The following PCCA variants were observed in gnomAD, a reference collection of about 807,000 sequenced individuals.
PCCA encodes propionyl-CoA carboxylase alpha chain, mitochondrial.
PCCA carries 74 observed loss-of-function variants against 101.3 expected under a neutral mutation model. The observed-to-expected ratio is 0.73, with a 90% CI of 0.61 to 0.89. PCCA has a LOEUF of 0.89. Among genes scored for constraint, PCCA ranks in the 40% least tolerant of loss-of-function variants. PCCA has a pLI of 0.00. For synonymous variants in PCCA, 294 were observed against 313.6 expected (o/e 0.94, Z 0.66); for missense variants, 891 against 907.0 (o/e 0.98, Z 0.23).
intron 21 of PCCA, among the ~76,000 whole-genome samples, chr13:100,495,810 G>A (rs2085234201): frequency 6.6e-6 from 1 of 151,830 alleles, no homozygotes; most frequent in African/African-American, 2.4e-5. Context: ...AACTTATTTT[G>A]ATTTTGATAC....
intron 6 of PCCA, among the ~76,000 whole-genome samples, chr13:100,190,826 G>A (rs926811144): frequency 1.3e-5 from 2 of 152,106 alleles, no homozygotes; most frequent in South Asian, 2.1e-4. Flanking sequence ...GGCTGGTCGT[G>A]GTGGTTCACA....
intron 4 of PCCA, among the ~76,000 whole-genome samples, chr13:100,143,024 T>C (rs2052081412): frequency 6.6e-6 from 1 of 152,216 alleles, no homozygotes; most frequent in Non-Finnish European, 1.5e-5. Flanking sequence ...TACATGGGCT[T>C]CAATTCCAAG....
At chr13:100,473,524 ACT>A (rs1401508682) in intron 21 of PCCA, among the ~76,000 whole-genome samples, 1 of 152,096 alleles carries the variant, frequency 6.6e-6, no homozygotes, top group Non-Finnish European at 1.5e-5. Flanking sequence ...CTTAGGTTAC[ACT>A]CTCTATAGTA....
intron 14 of PCCA, among the ~76,000 whole-genome samples, chr13:100,305,066 C>T (rs780764233): frequency 6.6e-6 from 1 of 152,032 alleles, no homozygotes; most frequent in Admixed American, 6.6e-5. Flanking sequence ...CTTGATCTGA[C>T]TTCAGATTGG....
intron 12 of PCCA, among the ~76,000 whole-genome samples, chr13:100,274,976 G>T (rs1273626945): frequency 7.0e-6 from 1 of 142,960 alleles, no homozygotes. Context: ...GGTGGAATAG[G>T]ACAGGAGAGA....
chr13:100,468,469 C>G (rs984730783), intron 21 of PCCA, among the ~76,000 whole-genome samples: 4 of 152,346 alleles, frequency 2.6e-5, no homozygotes, highest in Non-Finnish European at 2.9e-5. Flanking sequence ...AGTGTGGCCA[C>G]CTTCATCGGT....
intron 9 of PCCA, among the ~76,000 whole-genome samples, chr13:100,262,204 C>G (rs1387965540): frequency 1.3e-5 from 2 of 151,864 alleles, no homozygotes; most frequent in Non-Finnish European, 2.9e-5. Context: ...ACCATCCTGG[C>G]CAACGTGTTG....
chr13:100,208,132 G>A (rs576936668), intron 6 of PCCA, among the ~76,000 whole-genome samples: 5 of 152,252 alleles, frequency 3.3e-5, no homozygotes, highest in African/African-American at 1.2e-4. Context: ...CTCAGCGTGT[G>A]CAAAGTTGGA....
intron 23 of PCCA, among the ~76,000 whole-genome samples, chr13:100,528,667 G>C (rs540572648): frequency 6.6e-6 from 1 of 152,224 alleles, no homozygotes; most frequent in Non-Finnish European, 1.5e-5. Flanking sequence ...AGCCCAGCCC[G>C]CCGGTCTGGA....
chr13:100,448,031 A>G (rs2080963570), intron 20 of PCCA, among the ~76,000 whole-genome samples: 1 of 152,202 alleles, frequency 6.6e-6, no homozygotes, highest in Admixed American at 6.5e-5. Flanking sequence ...GAAAGCCACT[A>G]ATACTCTACA....
At chr13:100,175,895 T>A (rs2056191255) in intron 6 of PCCA, among the ~76,000 whole-genome samples, 1 of 152,356 alleles carries the variant, frequency 6.6e-6, no homozygotes, top group South Asian at 2.1e-4. Context: ...CAAATTCTTT[T>A]TTCATGGCAG....
chr13:100,378,004 T>G (rs1330092380), intron 19 of PCCA, among the ~76,000 whole-genome samples: 3 of 152,206 alleles, frequency 2.0e-5, no homozygotes, highest in Non-Finnish European at 4.4e-5. Context: ...ATTTGTGTGT[T>G]TGCCTTACCA....
intron 9 of PCCA, among the ~76,000 whole-genome samples, chr13:100,260,039 C>T (rs1364692647): frequency 6.6e-6 from 1 of 152,006 alleles, no homozygotes; most frequent in African/African-American, 2.4e-5. Context: ...GGTTTAAATG[C>T]AAAATGAAAG....
At chr13:100,401,517 C>T (rs1395138850) in intron 19 of PCCA, among the ~76,000 whole-genome samples, 1 of 152,194 alleles carries the variant, frequency 6.6e-6, no homozygotes. Context: ...GCTGGAATTA[C>T]AGGCGTGAGC....
At chr13:100,221,336 C>T (rs1594789693) in intron 7 of PCCA, among the ~76,000 whole-genome samples, 1 of 152,192 alleles carries the variant, frequency 6.6e-6, no homozygotes, top group Non-Finnish European at 1.5e-5. Context: ...GGGGGTCGCT[C>T]AGTGGGCCTC....
intron 20 of PCCA, among the ~76,000 whole-genome samples, chr13:100,429,366 AT>A (rs2079381938): frequency 6.6e-6 from 1 of 151,984 alleles, no homozygotes; most frequent in South Asian, 2.1e-4. Flanking sequence ...GAAATAAGGG[AT>A]GAATATTACC....
intron 19 of PCCA, among the ~76,000 whole-genome samples, chr13:100,402,962 T>G (rs990740795): frequency 1.3e-5 from 2 of 152,022 alleles, no homozygotes; most frequent in Non-Finnish European, 2.9e-5. Flanking sequence ...ATTGTGACCA[T>G]TAGTACAGAA....
chr13:100,494,412 G>A (rs1041888661), intron 21 of PCCA, among the ~76,000 whole-genome samples: 3 of 152,032 alleles, frequency 2.0e-5, no homozygotes, highest in South Asian at 2.1e-4. Flanking sequence ...GGCCGGGTAC[G>A]GTGGCTCACG....
chr13:100,284,380 G>A (rs2064414157), intron 12 of PCCA, among the ~76,000 whole-genome samples: 1 of 152,200 alleles, frequency 6.6e-6, no homozygotes, highest in Non-Finnish European at 1.5e-5. Context: ...GGCATTGGAA[G>A]GACAATTTGG....
Sources: gnomAD v4.1 joint callset for allele counts (sites outside exome capture counted in the v4.1 genomes callset) on GRCh38, gnomAD v4.1.1 for gene constraint, MANE v1.5 for transcripts, NCBI Gene and HGNC (gene_info 2026-07-23, HGNC 2026-07-21) for gene names.